ANK2: variants seen among roughly 807,000 people sequenced by gnomAD.
The protein encoded by ANK2 is ankyrin 2.
In ANK2, 83 loss-of-function variants were observed where a neutral mutation model predicts 360.5. The ratio of observed to expected loss-of-function variants is 0.23; its 90% confidence interval spans 0.19 to 0.28. The LOEUF (loss-of-function observed/expected upper bound fraction) is 0.28, where lower values mean the gene tolerates loss of function less well. Among genes scored for constraint, ANK2 ranks in the 10% least tolerant of loss-of-function variants. The pLI, the probability that ANK2 is intolerant of heterozygous loss-of-function variation, is 1.00. For synonymous variants in ANK2, 1,740 were observed against 1,759.5 expected, an observed-to-expected ratio of 0.99 and a Z score of 0.28; for missense variants, 4,201 against 4,795.7, an observed-to-expected ratio of 0.88 and a Z score of 3.66.
chr4:113,067,357 G>A (rs632895), intron 1 of ANK2, among the ~76,000 whole-genome samples: 35,540 of 152,028 alleles, frequency 0.23, 5,777 homozygotes, highest in African/African-American at 0.46. Flanking sequence ...ATGGCCCCTT[G>A]GTGTGTAGTG....
At chr4:112,923,360 C>T (rs1175675461) in intron 2 of ANK2, among the ~76,000 whole-genome samples, 2 of 151,774 alleles carry the variant, frequency 1.3e-5, no homozygotes, top group East Asian at 3.9e-4. Context: ...GGTACTTAAT[C>T]TGCTAACTAA....
intron 2 of ANK2, among the ~76,000 whole-genome samples, chr4:113,016,580 G>A (rs961281540): frequency 6.6e-6 from 1 of 152,234 alleles, no homozygotes; most frequent in Non-Finnish European, 1.5e-5. Flanking sequence ...GCTGATGAAG[G>A]CATTAGCTGA....
intron 45 of ANK2, among the ~76,000 whole-genome samples, chr4:113,380,486 C>T (rs991970831): frequency 2.0e-5 from 3 of 152,114 alleles, no homozygotes; most frequent in Admixed American, 2.0e-4. Flanking sequence ...CATGACAAAA[C>T]CCTGTCTCTA....
chr4:112,809,155 G>A, the ANK2 span, among the ~76,000 whole-genome samples: 3 of 150,886 alleles, frequency 2.0e-5, no homozygotes, highest in Non-Finnish European at 3.0e-5. Flanking sequence ...CACTGCACCC[G>A]GCCCAAACTA....
intron 1 of ANK2, among the ~76,000 whole-genome samples, chr4:113,053,481 G>T (rs1275488646): frequency 6.6e-6 from 1 of 152,148 alleles, no homozygotes; most frequent in Non-Finnish European, 1.5e-5. Context: ...GGAAATGGGG[G>T]CTATTCTAAT....
intron 2 of ANK2, among the ~76,000 whole-genome samples, chr4:112,910,997 C>T (rs767756914): frequency 3.6e-4 from 49 of 137,088 alleles, no homozygotes; most frequent in Non-Finnish European, 5.3e-4. Flanking sequence ...CTCGCTCTGT[C>T]GACAGGCTGG....
At chr4:112,925,177 G>T (rs1033355559) in intron 2 of ANK2, among the ~76,000 whole-genome samples, 4 of 152,082 alleles carry the variant, frequency 2.6e-5, no homozygotes, top group African/African-American at 4.8e-5. Context: ...ATTTTTAAAA[G>T]CTTGCTGATT....
At chr4:112,746,284 A>C in the ANK2 span, among the ~76,000 whole-genome samples, 3 of 152,288 alleles carry the variant, frequency 2.0e-5, no homozygotes, top group South Asian at 6.2e-4. Context: ...TTTAATTTCT[A>C]TTAAAACTGC....
At chr4:113,010,068 A>G (rs1278758702) in intron 2 of ANK2, among the ~76,000 whole-genome samples, 1 of 152,154 alleles carries the variant, frequency 6.6e-6, no homozygotes, top group African/African-American at 2.4e-5. Context: ...GAAAATGTGA[A>G]ACTACTTCTG....
the ANK2 span, among the ~76,000 whole-genome samples, chr4:112,783,058 C>T: frequency 1.3e-5 from 2 of 151,908 alleles, no homozygotes; most frequent in African/African-American, 2.4e-5. Context: ...TACAGGCGTG[C>T]GCCACCATGC....
At chr4:112,752,721 C>A in the ANK2 span, among the ~76,000 whole-genome samples, 4 of 152,124 alleles carry the variant, frequency 2.6e-5, no homozygotes, top group African/African-American at 9.7e-5. Flanking sequence ...GTTGCCCCAG[C>A]TGCAGTGCAG....
At chr4:113,078,420 C>T (rs190430336) in intron 1 of ANK2, among the ~76,000 whole-genome samples, 4 of 152,200 alleles carry the variant, frequency 2.6e-5, no homozygotes, top group South Asian at 4.2e-4. Flanking sequence ...GGATGTTGCT[C>T]GTCAATAGTA....
At chr4:112,708,429 T>C in the ANK2 span, among the ~76,000 whole-genome samples, 1 of 152,252 alleles carries the variant, frequency 6.6e-6, no homozygotes, top group African/African-American at 2.4e-5. Flanking sequence ...TTGGTCATAC[T>C]ATTAATTATA....
At chr4:113,194,666 A>C (rs1457130855) in intron 2 of ANK2, among the ~76,000 whole-genome samples, 1 of 152,144 alleles carries the variant, frequency 6.6e-6, no homozygotes, top group Non-Finnish European at 1.5e-5. Flanking sequence ...ATTATATAGA[A>C]ATAGCATTAT....
intron 1 of ANK2, among the ~76,000 whole-genome samples, chr4:112,888,162 A>G (rs2078945948): frequency 6.6e-6 from 1 of 152,192 alleles, no homozygotes; most frequent in African/African-American, 2.4e-5. Flanking sequence ...TATATATCAT[A>G]TTGACAGTAT....
chr4:113,076,897 A>G (rs190133254), intron 1 of ANK2, among the ~76,000 whole-genome samples: 31 of 152,284 alleles, frequency 2.0e-4, no homozygotes, highest in Admixed American at 1.5e-3. Flanking sequence ...GAAAAAATTC[A>G]CTAACTGTAC....
intron 15 of ANK2, among the ~76,000 whole-genome samples, chr4:113,274,905 T>A (rs1258194565): frequency 1.3e-5 from 2 of 152,350 alleles, no homozygotes. Context: ...CTAAGATGAT[T>A]TTCACTTTTT....
At chr4:113,360,794 T>G in intron 38 of ANK2, 29 bp from the exon 39 acceptor site, 1 of 1,605,310 alleles carries the variant, frequency 6.2e-7, no homozygotes. Flanking sequence ...TAGACAACCT[T>G]TGGCCATTCT....
chr4:112,769,493 T>A, the ANK2 span, among the ~76,000 whole-genome samples: 1 of 152,218 alleles, frequency 6.6e-6, no homozygotes. Context: ...TTTCTCTGTT[T>A]TTCTTACTTT....
Sources: allele counts gnomAD v4.1 joint callset (sites outside exome capture counted in the v4.1 genomes callset), GRCh38; gene constraint gnomAD v4.1.1; transcripts MANE v1.5; gene names NCBI Gene and HGNC (gene_info 2026-07-23, HGNC 2026-07-21).